Variants in INSL6 observed in about 807,000 individuals in gnomAD.
The protein encoded by INSL6 is insulin like 6.
In INSL6, 16 loss-of-function variants were observed where a neutral mutation model predicts 9.4. The observed-to-expected ratio is 1.70, with a 90% CI of 1.15 to 2.59. The LOEUF is 2.59. Ranked by LOEUF, INSL6 falls within the 30% of genes most tolerant of loss-of-function variation. The pLI is 0.00. For synonymous variants in INSL6, 154 were observed against 96.9 expected, an observed-to-expected ratio of 1.59 and a Z score of -3.46; for missense variants, 391 against 257.3, an observed-to-expected ratio of 1.52 and a Z score of -3.56.
At chr9:5,158,589 T>C (rs1251851485) in intron 2 of INSL6, among the ~76,000 whole-genome samples, 2 of 151,828 alleles carry the variant, frequency 1.3e-5, no homozygotes, top group Admixed American at 6.6e-5. Context: ...ATATTTAAAG[T>C]GTTAAAGGAA....
chr9:5,041,081 A>T, the INSL6 span: 1 of 699,506 alleles, frequency 1.4e-6, no homozygotes. Context: ...TCTACTACCT[A>T]CTACAGCCTG....
downstream of INSL6, among the ~76,000 whole-genome samples, chr9:5,162,808 C>G (rs1824955090): frequency 6.6e-6 from 1 of 152,082 alleles, no homozygotes; most frequent in Admixed American, 6.6e-5. Context: ...AGAAATAAAA[C>G]ATTTAAGAAC....
At chr9:5,101,664 G>C in the INSL6 span, among the ~76,000 whole-genome samples, 4 of 152,198 alleles carry the variant, frequency 2.6e-5, no homozygotes, top group African/African-American at 9.7e-5. Context: ...TGCCTGTCTG[G>C]GACGAAGCTT....
In INSL6 at chr9:5,164,153, T is replaced by C. The variant is rs1186352981; in HGVS notation, c.402A>G (p.Ser134=). The change falls in exon 2 of 2, where the codon TCA becomes TCG. Residue 134 remains serine (S), a synonymous_variant. Transcript: ENST00000381641. ...CATGAATATATACATTGATATTATG[T>C]GATGAAGAAAATTCTCTTGTCTTAC... The part of the protein sequence containing the change: ...PLGKTREFSS[S]HNINVYIHEN... The C allele has an allele frequency of 6.2e-7, 1 of 1,607,642 alleles. No individual in the cohort carries two copies. Among genetic ancestry groups the C allele is most frequent in the South Asian group, 1.1e-5 (1 of 89,676 alleles).
chr9:5,085,648 TTG>T, the INSL6 span: 1 of 723,720 alleles, frequency 1.4e-6, no homozygotes, highest in Non-Finnish European at 2.6e-6. Flanking sequence ...ACCCCAGATC[TTG>T]TGTGTTTTCC....
At chr9:5,139,110 C>T (rs974460961) in intron 2 of INSL6, among the ~76,000 whole-genome samples, 11 of 151,968 alleles carry the variant, frequency 7.2e-5, no homozygotes, top group African/African-American at 2.7e-4. Context: ...ACTAATAATG[C>T]CAAATAAAGG....
the INSL6 span, chr9:5,112,620 T>G: frequency 1.6e-5 from 15 of 952,558 alleles, no homozygotes; most frequent in African/African-American, 2.0e-4. Flanking sequence ...ATGTGGCAAC[T>G]GCACCTCAAC....
At chr9:5,139,791 A>G (rs985596878) in intron 2 of INSL6, among the ~76,000 whole-genome samples, 1 of 152,198 alleles carries the variant, frequency 6.6e-6, no homozygotes, top group African/African-American at 2.4e-5. Flanking sequence ...CTCATTATAC[A>G]ACAACATGCT....
At chr9:5,096,496 G>GT in the INSL6 span, among the ~76,000 whole-genome samples, 26 of 152,166 alleles carry the variant, frequency 1.7e-4, no homozygotes, top group Non-Finnish European at 3.4e-4. Context: ...CTCCCTCCAT[G>GT]TGGGGGGAGG....
the INSL6 span, among the ~76,000 whole-genome samples, chr9:5,049,075 A>G: frequency 6.6e-6 from 1 of 152,198 alleles, no homozygotes; most frequent in South Asian, 2.1e-4. Context: ...GACAATATAT[A>G]GTTAATAAAG....
At chr9:5,182,844 G>C (rs1046747295) in intron 1 of INSL6, among the ~76,000 whole-genome samples, 1 of 152,000 alleles carries the variant, frequency 6.6e-6, no homozygotes, top group African/African-American at 2.4e-5. Flanking sequence ...CACATTACGG[G>C]GTAGGTCTTG....
chr9:5,012,387 G>GT, the INSL6 span, among the ~76,000 whole-genome samples: 1 of 152,134 alleles, frequency 6.6e-6, no homozygotes, highest in East Asian at 1.9e-4. Flanking sequence ...TTTTTAAAAA[G>GT]TTTATAATTG....
intron 2 of INSL6, among the ~76,000 whole-genome samples, chr9:5,150,667 C>T (rs946051062): frequency 3.3e-5 from 5 of 151,942 alleles, no homozygotes; most frequent in African/African-American, 1.2e-4. Context: ...TGAAGACTTC[C>T]CAGAAAACTA....
chr9:5,102,176 C>G, the INSL6 span, among the ~76,000 whole-genome samples: 2 of 152,100 alleles, frequency 1.3e-5, no homozygotes, highest in African/African-American at 2.4e-5. Context: ...CTACAATAAA[C>G]AGTGTAGAGA....
rs1157454272 is a variant in INSL6, at chr9:5,185,397, G to A, written c.206C>T (p.Ser69Leu). The A allele has an allele frequency of 3.1e-6, 5 of 1,614,004 alleles. No homozygotes were observed. Among genetic ancestry groups the A allele is most frequent in the African/African-American group, 1.3e-5 (1 of 74,902 alleles). Residue 69 changes from serine to leucine, a missense_variant, in exon 1 of 2, where the codon TCG (serine) becomes TTG (leucine). Transcript: ENST00000381641. ...TGGGCTGTAGGCTTCGACCTTCTCC[G>A]AGGCCTGTGCAATCAACCGTGAGAA... The part of the protein sequence containing the change: ...TPFSRLIAQA[S>L]EKVEAYSPYQ...
chr9:5,101,298 T>TCCACC, the INSL6 span, among the ~76,000 whole-genome samples: 1 of 152,130 alleles, frequency 6.6e-6, no homozygotes, highest in East Asian at 1.9e-4. Flanking sequence ...CAGCCTAAGA[T>TCCACC]CCACCCGTGA....
the INSL6 span, among the ~76,000 whole-genome samples, chr9:5,010,637 A>T: frequency 6.6e-6 from 1 of 152,190 alleles, no homozygotes; most frequent in Admixed American, 6.5e-5. Context: ...GCCTTTTAAT[A>T]CATTTAATAA....
At chr9:4,992,903 T>G in the INSL6 span, among the ~76,000 whole-genome samples, 1 of 152,214 alleles carries the variant, frequency 6.6e-6, no homozygotes, top group African/African-American at 2.4e-5. Context: ...AAGTCATTCT[T>G]AATAGGACAT....
chr9:5,110,844 G>C, the INSL6 span: 2 of 468,710 alleles, frequency 4.3e-6, no homozygotes, highest in Non-Finnish European at 8.2e-6. Flanking sequence ...GGGAAGGTGG[G>C]GGGGACGCTT....
Sources: allele counts gnomAD v4.1 joint callset (sites outside exome capture counted in the v4.1 genomes callset), GRCh38; gene constraint gnomAD v4.1.1; transcripts MANE v1.5; gene names NCBI Gene and HGNC (gene_info 2026-07-23, HGNC 2026-07-21).